Variants in PRKAR1B observed in about 807,000 individuals in gnomAD.
The protein encoded by PRKAR1B is cAMP-dependent protein kinase type I-beta regulatory subunit.
Under a neutral mutation model 46.5 loss-of-function variants are expected in PRKAR1B, and 22 were observed. The ratio of observed to expected loss-of-function variants is 0.47; its 90% CI spans 0.34 to 0.68. The LOEUF (loss-of-function observed/expected upper bound fraction) is 0.68, where lower values mean the gene tolerates loss of function less well. Among genes scored for constraint, PRKAR1B ranks in the 30% least tolerant of loss-of-function variants. The pLI is 0.01. For missense variants in PRKAR1B, 445 were observed against 535.6 expected (o/e 0.83, Z 1.67); for synonymous variants, 259 against 217.7 (o/e 1.19, Z -1.67).
intron 2 of PRKAR1B, among the ~76,000 whole-genome samples, chr7:702,849 CATAA>C (rs978895569): frequency 1.3e-5 from 2 of 151,524 alleles, no homozygotes; most frequent in Non-Finnish European, 2.9e-5. Flanking sequence ...TAAATAAATA[CATAA>C]ATAAATAAAT....
intron 4 of PRKAR1B, among the ~76,000 whole-genome samples, chr7:614,885 C>A (rs538680653): frequency 2.3e-4 from 35 of 152,078 alleles, no homozygotes; most frequent in Admixed American, 3.9e-4. Context: ...GCACTCCAAC[C>A]TGGGTGACAG....
At chr7:709,349 G>T (rs970045855) in intron 2 of PRKAR1B, among the ~76,000 whole-genome samples, 11 of 150,684 alleles carry the variant, frequency 7.3e-5, no homozygotes, top group African/African-American at 2.7e-4. Flanking sequence ...ATGTGTGTAT[G>T]CATGTGTGTG....
rs181070543 is a variant in PRKAR1B at position 586,690 on chromosome 7, A to G, written c.709-2122T>C. Among the ~76,000 whole-genome samples, 88 of 152,330 alleles carry G rather than the reference A, an allele frequency of 5.8e-4. 1 individual carries two copies. The highest frequency in any genetic ancestry group is 1.9e-3 in the African/African-American group (77 of 41,566). ...TAAGTTTGAGGGGAATTTGTTACACAGCCACAGCTAACTAATACATCCAGC... is the reference window on the plus strand; with the variant it reads ...TAAGTTTGAGGGGAATTTGTTACACGGCCACAGCTAACTAATACATCCAGC... On this transcript the variant is annotated intron_variant, in intron 7 of 10. Transcript: ENST00000537384.
At position 609,743 on chromosome 7, in the gene PRKAR1B, CT is replaced by C. The variant is rs566324426; in HGVS notation, c.441-2292del. On this transcript the variant is annotated intron_variant, in intron 4 of 10. Transcript: ENST00000537384. The stretch of plus-strand genomic sequence containing the variant: ...GCTCCTTTTACAGCTGCCTAGTATT[CT>C]TTTTTTTCTTTTAAGAGATGGGGTC... 5.1e-3 allele frequency among the ~76,000 whole-genome samples: 771 copies of C among 152,090 alleles called. 4 individuals carry two copies. The highest frequency in any genetic ancestry group is 0.025 in the South Asian group (121 of 4,816).
At chr7:709,326 T>A (rs546422379) in intron 2 of PRKAR1B, among the ~76,000 whole-genome samples, 1 of 151,810 alleles carries the variant, frequency 6.6e-6, no homozygotes, top group African/African-American at 2.4e-5. Flanking sequence ...CATGTATGTA[T>A]GTGTGTGTAT....
intron 4 of PRKAR1B, among the ~76,000 whole-genome samples, chr7:632,948 C>A (rs1332556088): frequency 6.6e-6 from 1 of 152,244 alleles, no homozygotes; most frequent in Non-Finnish European, 1.5e-5. Flanking sequence ...CAGGTCCCGG[C>A]CGGCTCCGGC....
At chr7:674,396 T>A (rs1786464800) in intron 4 of PRKAR1B, among the ~76,000 whole-genome samples, 1 of 150,202 alleles carries the variant, frequency 6.7e-6, no homozygotes, top group Non-Finnish European at 1.5e-5. Context: ...ACTCCAGTCA[T>A]GCCCAGCTAC....
In PRKAR1B at chr7:560,526, C is replaced by A. The variant is rs1010246515; in HGVS notation, c.892-9056G>T. ...ACACGAGCTTAACCCAGGCTTCCCCCTGACCTGGCCAGGAACAAATGGGAC... is the reference window on the plus strand; with the variant it reads ...ACACGAGCTTAACCCAGGCTTCCCCATGACCTGGCCAGGAACAAATGGGAC... On this transcript the variant is annotated intron_variant, in intron 9 of 10. Transcript: ENST00000537384. This position sits in a 1 kb window ranked among gnomAD's most constrained non-coding sequence, Gnocchi z 4.2. 6.6e-6 allele frequency among the ~76,000 whole-genome samples: 1 copy of A among 152,194 alleles called. No individual in the cohort carries two copies. The highest frequency in any genetic ancestry group is 2.4e-5 in the African/African-American group (1 of 41,438).
intron 9 of PRKAR1B, among the ~76,000 whole-genome samples, chr7:576,063 A>ACGGCTGG: frequency 7.7e-6 from 1 of 130,312 alleles, no homozygotes; most frequent in Admixed American, 7.8e-5. Flanking sequence ...ATGTGCACAC[A>ACGGCTGG]GGCATCCTCT....
chr7:642,914 G>T (rs546178226), intron 4 of PRKAR1B, among the ~76,000 whole-genome samples: 1 of 151,212 alleles, frequency 6.6e-6, no homozygotes, highest in Non-Finnish European at 1.5e-5. Context: ...TCCCCGTCCC[G>T]CCACCTTGTC....
intron 8 of PRKAR1B, 46 bp from the exon 9 acceptor site, chr7:579,423 C>G: frequency 1.2e-6 from 2 of 1,606,238 alleles, no homozygotes; most frequent in East Asian, 4.5e-5. Context: ...CCCACGCCCC[C>G]ACAGCCACAG....
intron 4 of PRKAR1B, among the ~76,000 whole-genome samples, chr7:633,330 G>C (rs1783871708): frequency 6.6e-6 from 1 of 152,202 alleles, no homozygotes; most frequent in South Asian, 2.1e-4. Flanking sequence ...AAAATATTAA[G>C]ATAGTCACCC....
chr7:561,949 G>A (rs915552823), intron 9 of PRKAR1B: 2 of 152,282 alleles, frequency 1.3e-5, no homozygotes, highest in Non-Finnish European at 2.9e-5. Flanking sequence ...TTATCCCCTC[G>A]GTTGTCTCTG....
chr7:643,577 C>T (rs1784491529), intron 4 of PRKAR1B, among the ~76,000 whole-genome samples: 1 of 151,266 alleles, frequency 6.6e-6, no homozygotes, highest in African/African-American at 2.5e-5. Context: ...ACAAAATTAG[C>T]TGGGCATGGT....
chr7:723,643 C>A (rs796849655), intron 1 of PRKAR1B, among the ~76,000 whole-genome samples: 1 of 152,222 alleles, frequency 6.6e-6, no homozygotes. Flanking sequence ...CCAGGGCTCC[C>A]GACCAATCCG....
chr7:568,211 G>A lies in PRKAR1B; in HGVS notation c.891+11045C>T, dbSNP rs537349503. The stretch of plus-strand genomic sequence containing the variant: ...CCCCCGTGCCGCTAAGCACCCCCTC[G>A]GTCTGGCCCCACACGTTTCCCACCC... On this transcript the variant is annotated intron_variant, in intron 9 of 10. Transcript: ENST00000537384. 1.3e-4 allele frequency among the ~76,000 whole-genome samples: 20 copies of A among 152,084 alleles called. No individual in the cohort carries two copies. The South Asian group carries it at 4.2e-3, about 32-fold the overall frequency.
intron 7 of PRKAR1B, among the ~76,000 whole-genome samples, chr7:588,057 G>A (rs546837059): frequency 2.6e-5 from 4 of 152,292 alleles, no homozygotes; most frequent in East Asian, 1.9e-4. Flanking sequence ...GGCCATTTCC[G>A]GTAGCGTGGC....
chr7:715,916 C>CGT (rs1554246817), intron 1 of PRKAR1B, among the ~76,000 whole-genome samples: 1 of 152,080 alleles, frequency 6.6e-6, no homozygotes, highest in Non-Finnish European at 1.5e-5. Flanking sequence ...GGGGTTTCAC[C>CGT]GTGTTAGCCA....
chr7:666,235 G>A lies in PRKAR1B; in HGVS notation c.440+10994C>T, dbSNP rs887909426. 1.5e-5 allele frequency among the ~76,000 whole-genome samples: 2 copies of A among 130,146 alleles called. No individual in the cohort carries two copies. The highest frequency in any genetic ancestry group is 8.9e-5 in the African/African-American group (2 of 22,452). The allele number at this position is 130,146 out of a possible 152,430, so 85.4% of individuals were successfully genotyped here. On this transcript the variant is annotated intron_variant, in intron 4 of 10. Transcript: ENST00000537384. The surrounding 1 kb of genome is among the most constrained non-coding windows in gnomAD (Gnocchi z 4.9). ...CCCAAGGCCTGGGACACACGCTCCA[G>A]GGACAGCCTTCATGGTCCTGGCACA...
Sources: gnomAD v4.1 joint callset for allele counts (sites outside exome capture counted in the v4.1 genomes callset) on GRCh38, gnomAD v4.1.1 for gene constraint, Gnocchi (gnomAD v3.1) non-coding constraint, MANE v1.5 for transcripts, NCBI Gene and HGNC (gene_info 2026-07-23, HGNC 2026-07-21) for gene names.